The following ABTB3 variants were observed in gnomAD, a reference collection of about 807,000 sequenced individuals.
ABTB3 encodes the protein ankyrin repeat and BTB domain containing 3.
At chr12:107,399,754 T>A in the ABTB3 span, among the ~76,000 whole-genome samples, 1 of 152,228 alleles carries the variant, frequency 6.6e-6, no homozygotes. Flanking sequence ...TGTGCTATGA[T>A]GGTTTGCTGC....
chr12:107,540,794 G>A, the ABTB3 span, among the ~76,000 whole-genome samples: 1 of 151,554 alleles, frequency 6.6e-6, no homozygotes, highest in Admixed American at 6.6e-5. Context: ...GACCAGGCTG[G>A]GTATGAAAGC....
the ABTB3 span, among the ~76,000 whole-genome samples, chr12:107,350,033 A>G: frequency 6.6e-6 from 1 of 152,234 alleles, no homozygotes; most frequent in Non-Finnish European, 1.5e-5. Context: ...ATTAAGTAAT[A>G]CAGATGGTTC....
At chr12:107,344,181 C>T in the ABTB3 span, among the ~76,000 whole-genome samples, 1 of 152,130 alleles carries the variant, frequency 6.6e-6, no homozygotes, top group Non-Finnish European at 1.5e-5. Context: ...AAAAAGGGTA[C>T]CTACCAGTGG....
the ABTB3 span, among the ~76,000 whole-genome samples, chr12:107,528,016 G>A: frequency 1.5e-3 from 236 of 152,296 alleles, 1 homozygote; most frequent in African/African-American, 5.4e-3. Flanking sequence ...GGAGGTTTGG[G>A]AAATATACTA....
chr12:107,423,246 C>T, the ABTB3 span, among the ~76,000 whole-genome samples: 1 of 152,208 alleles, frequency 6.6e-6, no homozygotes, highest in Non-Finnish European at 1.5e-5. Flanking sequence ...TCTGCCTTCT[C>T]ATTTTTTCTT....
At chr12:107,461,768 C>G in the ABTB3 span, among the ~76,000 whole-genome samples, 1 of 152,242 alleles carries the variant, frequency 6.6e-6, no homozygotes, top group South Asian at 2.1e-4. Context: ...CTCAGAGATT[C>G]ACGTCAGTCC....
At chr12:107,498,909 TC>T in the ABTB3 span, among the ~76,000 whole-genome samples, 1 of 152,232 alleles carries the variant, frequency 6.6e-6, no homozygotes, top group Admixed American at 6.5e-5. Flanking sequence ...ATATTCTGAT[TC>T]TTTCAAAATT....
chr12:107,443,758 G>A, the ABTB3 span, among the ~76,000 whole-genome samples: 1 of 152,216 alleles, frequency 6.6e-6, no homozygotes, highest in Non-Finnish European at 1.5e-5. Flanking sequence ...ATAGGTCTGA[G>A]AGGAGGTGGT....
At chr12:107,640,626 C>G in the ABTB3 span, among the ~76,000 whole-genome samples, 1 of 152,198 alleles carries the variant, frequency 6.6e-6, no homozygotes, top group African/African-American at 2.4e-5. Context: ...GGGGGCCGAG[C>G]TTTGGGAGCA....
At chr12:107,364,519 G>A in the ABTB3 span, among the ~76,000 whole-genome samples, 1 of 152,002 alleles carries the variant, frequency 6.6e-6, no homozygotes, top group Non-Finnish European at 1.5e-5. Context: ...TTGAACTCCT[G>A]ACCTCAGGTG....
chr12:107,574,420 G>T, the ABTB3 span, among the ~76,000 whole-genome samples: 13 of 152,180 alleles, frequency 8.5e-5, no homozygotes, highest in Non-Finnish European at 2.9e-5. Context: ...ACCTGGGAGC[G>T]CATTAGAAAT....
the ABTB3 span, among the ~76,000 whole-genome samples, chr12:107,371,562 C>T: frequency 2.0e-4 from 30 of 152,248 alleles, 1 homozygote; most frequent in Admixed American, 1.8e-3. Context: ...GCAGAGGATT[C>T]GTTGCTTTTC....
the ABTB3 span, among the ~76,000 whole-genome samples, chr12:107,438,489 C>A: frequency 6.6e-6 from 1 of 152,204 alleles, no homozygotes; most frequent in Non-Finnish European, 1.5e-5. Context: ...TGCTTTGCTG[C>A]TCTCTGAGCC....
the ABTB3 span, chr12:107,320,001 C>A: frequency 3.2e-6 from 5 of 1,577,784 alleles, no homozygotes; most frequent in Non-Finnish European, 4.3e-6. Context: ...CTGGAGCACA[C>A]GGTCAACAAC....
At chr12:107,608,208 G>A in the ABTB3 span, among the ~76,000 whole-genome samples, 14 of 152,098 alleles carry the variant, frequency 9.2e-5, no homozygotes, top group African/African-American at 2.7e-4. Context: ...AGTAGCCACC[G>A]TCTCAACTCA....
chr12:107,375,413 G>C, the ABTB3 span, among the ~76,000 whole-genome samples: 2 of 143,634 alleles, frequency 1.4e-5, no homozygotes, highest in Admixed American at 7.1e-5. Flanking sequence ...AGTGAGACCT[G>C]GTGTCAGAAA....
the ABTB3 span, among the ~76,000 whole-genome samples, chr12:107,578,536 G>T: frequency 5.9e-5 from 9 of 151,946 alleles, no homozygotes; most frequent in African/African-American, 9.7e-5. Flanking sequence ...AGGGACTCAG[G>T]GTTGTGGACT....
chr12:107,582,662 T>C, the ABTB3 span, among the ~76,000 whole-genome samples: 11 of 152,212 alleles, frequency 7.2e-5, no homozygotes, highest in Non-Finnish European at 1.3e-4. Context: ...TGGCATAATC[T>C]TCCCATTTTA....
chr12:107,357,304 T>C, the ABTB3 span, among the ~76,000 whole-genome samples: 1 of 152,194 alleles, frequency 6.6e-6, no homozygotes, highest in Non-Finnish European at 1.5e-5. Context: ...CATCCTTCTC[T>C]ACCCAATGCC....
Sources: gnomAD v4.1 joint callset for allele counts (sites outside exome capture counted in the v4.1 genomes callset) on GRCh38, gnomAD v4.1.1 for gene constraint, MANE v1.5 for transcripts, NCBI Gene and HGNC (gene_info 2026-07-23, HGNC 2026-07-21) for gene names.